The following SLC12A7 variants were observed in gnomAD, a reference collection of about 807,000 sequenced individuals.
SLC12A7 encodes K-Cl cotransporter 4.
In SLC12A7, 100 loss-of-function variants were observed where a neutral mutation model predicts 120.6. The observed-to-expected ratio is 0.83, with a 90% CI of 0.71 to 0.98. The LOEUF is 0.98. SLC12A7 is among the 50% of genes least tolerant of loss of function. SLC12A7 has a pLI of 0.00. For missense variants in SLC12A7, 1,373 were observed against 1,548.1 expected (o/e 0.89, Z 1.90); for synonymous variants, 760 against 678.0 (o/e 1.12, Z -1.88).
intron 22 of SLC12A7, among the ~76,000 whole-genome samples, chr5:1,054,800 GGA>G: frequency 6.6e-6 from 1 of 152,334 alleles, no homozygotes; most frequent in East Asian, 1.9e-4. Flanking sequence ...AGGAACACAG[GGA>G]GAGACCTTCT....
chr5:1,077,568 G>A (rs978280435), intron 12 of SLC12A7, among the ~76,000 whole-genome samples: 6 of 152,168 alleles, frequency 3.9e-5, no homozygotes, highest in Non-Finnish European at 7.4e-5. Context: ...CTCTGGACAC[G>A]TGGCTGTGGG....
chr5:1,076,980 T>C (rs1260380154), intron 12 of SLC12A7, among the ~76,000 whole-genome samples, 168 bp from the exon 13 acceptor site: 1 of 152,030 alleles, frequency 6.6e-6, no homozygotes, highest in Non-Finnish European at 1.5e-5. Context: ...GAAGAAGCCC[T>C]GACAAAGGGC....
chr5:1,060,562 C>T (rs1183305695), intron 20 of SLC12A7, 111 bp from the exon 21 acceptor site: 16 of 792,642 alleles, frequency 2.0e-5, no homozygotes, highest in South Asian at 8.0e-5. Context: ...GGAAAGGCCA[C>T]GCGTCCCGGG....
the SLC12A7 span, among the ~76,000 whole-genome samples, chr5:1,155,561 C>A: frequency 1.3e-5 from 2 of 151,126 alleles, no homozygotes; most frequent in Non-Finnish European, 3.0e-5. Flanking sequence ...GCTGGGGGGA[C>A]CCCAGGCAGG....
At chr5:1,152,392 T>C in the SLC12A7 span, among the ~76,000 whole-genome samples, 12 of 152,208 alleles carry the variant, frequency 7.9e-5, no homozygotes, top group African/African-American at 2.7e-4. Flanking sequence ...CCACCCTCCT[T>C]GATGCAAAAA....
rs140645607 is a variant in SLC12A7, at chr5:1,063,898, C to T, written c.2685G>A (p.Leu895=). The T allele has an allele frequency of 6.2e-7, 1 of 1,611,290 alleles. No individual in the cohort carries two copies. Among genetic ancestry groups the T allele is most frequent in the Non-Finnish European group, 8.5e-7 (1 of 1,179,260 alleles). ...TGCGCAAGTGGTACAAGAACATCTGCAGGTCCTTCTTCATCTGGATGCTGT... is the reference window on the plus strand; with the variant it reads ...TGCGCAAGTGGTACAAGAACATCTGTAGGTCCTTCTTCATCTGGATGCTGT... The part of the protein sequence containing the change: ...DDNSIQMKKD[L]QMFLYHLRIS... The change falls in exon 20 of 24, where the codon CTG becomes CTA. Residue 895 remains leucine (L), a synonymous_variant. Transcript: ENST00000264930.
intron 6 of SLC12A7, 107 bp downstream of exon 6, chr5:1,086,796 C>G (rs369075229): frequency 1.4e-6 from 2 of 1,457,694 alleles, no homozygotes. Context: ...GCAGTGGGGT[C>G]AGGATGGCTC....
At chr5:1,137,265 G>A in the SLC12A7 span, among the ~76,000 whole-genome samples, 5 of 152,256 alleles carry the variant, frequency 3.3e-5, no homozygotes, top group East Asian at 3.9e-4. Context: ...GCACGATCCG[G>A]AGCCACTTCC....
At chr5:1,060,224 T>C (rs1736040690) in intron 21 of SLC12A7, 120 bp downstream of exon 21, 5 of 754,914 alleles carry the variant, frequency 6.6e-6, no homozygotes, top group Admixed American at 2.0e-5. Flanking sequence ...TGCGACGCAG[T>C]ACCTGAGGCA....
intron 1 of SLC12A7, among the ~76,000 whole-genome samples, chr5:1,100,122 G>A (rs867966732): frequency 2.0e-5 from 3 of 152,174 alleles, no homozygotes; most frequent in Non-Finnish European, 2.9e-5. Context: ...CGAGGCAGCC[G>A]CTCAGGAATT....
chr5:1,086,097 C>T (rs868734392), intron 6 of SLC12A7, among the ~76,000 whole-genome samples: 10 of 152,268 alleles, frequency 6.6e-5, no homozygotes, highest in African/African-American at 1.7e-4. Context: ...GCGGCAGCCA[C>T]GGCACCCGGG....
At chr5:1,089,770 C>G (rs796945847) in intron 3 of SLC12A7, among the ~76,000 whole-genome samples, 4 of 152,324 alleles carry the variant, frequency 2.6e-5, no homozygotes, top group African/African-American at 9.6e-5. Flanking sequence ...ACCCTGTGCC[C>G]TGAGAAAACC....
chr5:1,138,532 T>G, the SLC12A7 span, among the ~76,000 whole-genome samples: 4 of 152,178 alleles, frequency 2.6e-5, no homozygotes, highest in Non-Finnish European at 4.4e-5. Context: ...TCATAGGGCC[T>G]CCTCCTCTGT....
chr5:1,143,059 C>T, the SLC12A7 span, among the ~76,000 whole-genome samples: 1 of 152,152 alleles, frequency 6.6e-6, no homozygotes, highest in Non-Finnish European at 1.5e-5. Context: ...ACGGCTCCAT[C>T]TGTGACACGG....
At chr5:1,092,683 G>T (rs1388899268) in intron 3 of SLC12A7, among the ~76,000 whole-genome samples, 1 of 152,140 alleles carries the variant, frequency 6.6e-6, no homozygotes, top group East Asian at 1.9e-4. Context: ...GCCGTCGCCC[G>T]GCTTCAGAGC....
At chr5:1,133,593 G>A in the SLC12A7 span, among the ~76,000 whole-genome samples, 7 of 152,206 alleles carry the variant, frequency 4.6e-5, no homozygotes, top group Admixed American at 1.3e-4. Context: ...CTGGTAGGCC[G>A]CTGTGGCTGC....
At chr5:1,081,821 G>A (rs1028620935) in intron 8 of SLC12A7, 77 bp from the exon 9 acceptor site, 38 of 1,528,450 alleles carry the variant, frequency 2.5e-5, no homozygotes, top group South Asian at 3.7e-5. Flanking sequence ...CCCACTCCCC[G>A]GCAGGTGCCA....
the SLC12A7 span, among the ~76,000 whole-genome samples, chr5:1,127,911 G>A: frequency 3.9e-5 from 6 of 152,196 alleles, no homozygotes; most frequent in Admixed American, 3.9e-4. Context: ...TCAAGGAAGG[G>A]AAGATAAAGC....
At chr5:1,136,749 G>A in the SLC12A7 span, among the ~76,000 whole-genome samples, 1 of 138,432 alleles carries the variant, frequency 7.2e-6, no homozygotes, top group African/African-American at 2.7e-5. Flanking sequence ...ACCAACACCA[G>A]GACACGCAGG....
Sources: allele counts gnomAD v4.1 joint callset (sites outside exome capture counted in the v4.1 genomes callset), GRCh38; gene constraint gnomAD v4.1.1; transcripts MANE v1.5; gene names NCBI Gene and HGNC (gene_info 2026-07-23, HGNC 2026-07-21).